Variants in KCNA6 observed in about 807,000 individuals in gnomAD.
KCNA6 encodes the protein human brain potassium channel-2.
Under a neutral mutation model 29.5 loss-of-function variants are expected in KCNA6, and 17 were observed. The observed-to-expected ratio is 0.58, with a 90% CI of 0.39 to 0.86. The LOEUF is 0.86. KCNA6 is among the 40% of genes least tolerant of loss of function. KCNA6 has a pLI of 0.00. For synonymous variants in KCNA6, 296 were observed against 304.7 expected (o/e 0.97, Z 0.30); for missense variants, 450 against 703.4 (o/e 0.64, Z 4.07).
the KCNA6 span, among the ~76,000 whole-genome samples, chr12:4,848,737 T>C: frequency 6.6e-6 from 1 of 152,030 alleles, no homozygotes; most frequent in South Asian, 2.1e-4. Context: ...TTTCTCCATG[T>C]TGGTCGAGTT....
chr12:4,832,583 C>G, the KCNA6 span, among the ~76,000 whole-genome samples: 1 of 152,202 alleles, frequency 6.6e-6, no homozygotes, highest in Non-Finnish European at 1.5e-5. Flanking sequence ...TGCAGGCCTG[C>G]ATTGAGACAC....
At chr12:4,809,937 C>T (rs1946605260) in exon 1 of KCNA6, 1 of 1,348,520 alleles carries the variant, frequency 7.4e-7, no homozygotes, top group Non-Finnish European at 9.8e-7. Flanking sequence ...AGCGCGGGCC[C>T]CACCCTAAAG....
chr12:4,850,648 G>C, the KCNA6 span: 2 of 349,902 alleles, frequency 5.7e-6, no homozygotes, highest in Non-Finnish European at 1.2e-5. The surrounding 1 kb of genome is among the most constrained non-coding windows in gnomAD (Gnocchi z 5.4). Context: ...AAGGACACTG[G>C]TGTGTCCAGG....
the KCNA6 span, among the ~76,000 whole-genome samples, chr12:4,835,767 C>T: frequency 2.0e-5 from 3 of 152,094 alleles, no homozygotes; most frequent in Non-Finnish European, 4.4e-5. Context: ...GATAAGGCAC[C>T]GAAGCCAATA....
the KCNA6 span, among the ~76,000 whole-genome samples, chr12:4,828,957 C>T: frequency 2.6e-5 from 4 of 152,194 alleles, no homozygotes; most frequent in African/African-American, 7.2e-5. Context: ...TCATCCTCTT[C>T]GTCCTCCCAT....
the KCNA6 span, among the ~76,000 whole-genome samples, chr12:4,843,186 T>TTA: frequency 7.1e-5 from 1 of 14,072 alleles, no homozygotes; most frequent in African/African-American, 4.5e-4. Flanking sequence ...AATTCTTTAC[T>TTA]TTTTTTTTTT....
downstream of KCNA6, among the ~76,000 whole-genome samples, chr12:4,817,488 C>T (rs1365002751): frequency 1.3e-5 from 2 of 152,178 alleles, no homozygotes; most frequent in African/African-American, 4.8e-5. Flanking sequence ...TTCACCCTGC[C>T]TCTTGGTCTT....
At chr12:4,819,641 G>A in the KCNA6 span, among the ~76,000 whole-genome samples, 798 of 152,268 alleles carry the variant, frequency 5.2e-3, 5 homozygotes, top group African/African-American at 0.018. Flanking sequence ...CTTGGCACGG[G>A]CCAGATTGCT....
chr12:4,810,794 C>T lies in KCNA6; in HGVS notation c.753C>T (p.Leu251=), dbSNP rs1340776934. 9 of 1,592,876 alleles carry T rather than the reference C, an allele frequency of 5.7e-6. 1 individual carries two copies. In the South Asian group the frequency reaches 1.0e-4, roughly 19 times the overall value. Residue 251 remains leucine (L), a synonymous_variant, in exon 1 of 1, where the codon CTC becomes CTT. Transcript: ENST00000280684. This position sits in a 1 kb window ranked among gnomAD's most constrained non-coding sequence, Gnocchi z 7.5. ...TGGGGACCGGGGGCTCCTCCTCACT[C>T]AGTACTCTTGGGGGCTCCTTCTTTA...
chr12:4,822,035 A>G, the KCNA6 span, among the ~76,000 whole-genome samples: 4 of 152,214 alleles, frequency 2.6e-5, no homozygotes, highest in South Asian at 4.1e-4. Flanking sequence ...GGGTTTCACC[A>G]TGTTGGCCAG....
chr12:4,843,374 G>T, the KCNA6 span, among the ~76,000 whole-genome samples: 19 of 152,046 alleles, frequency 1.2e-4, no homozygotes, highest in Non-Finnish European at 2.1e-4. Flanking sequence ...TAGAGACAGG[G>T]TTTCACCGTG....
At chr12:4,818,516 G>C in the KCNA6 span, among the ~76,000 whole-genome samples, 1 of 152,156 alleles carries the variant, frequency 6.6e-6, no homozygotes, top group African/African-American at 2.4e-5. Flanking sequence ...GTGTTTAAAT[G>C]TACAATGTCA....
At chr12:4,845,049 C>T in the KCNA6 span, among the ~76,000 whole-genome samples, 5 of 152,126 alleles carry the variant, frequency 3.3e-5, no homozygotes, top group African/African-American at 4.8e-5. Flanking sequence ...CCTTCCATTG[C>T]GGAAGCTTCC....
chr12:4,845,984 G>GTTTTTTTT, the KCNA6 span, among the ~76,000 whole-genome samples: 31 of 129,446 alleles, frequency 2.4e-4, 1 homozygote, highest in African/African-American at 8.6e-4. Context: ...GAATTTTAGA[G>GTTTTTTTT]TTTTTTTTTT....
downstream of KCNA6, among the ~76,000 whole-genome samples, chr12:4,815,409 A>G (rs1946672678): frequency 6.6e-6 from 1 of 152,190 alleles, no homozygotes; most frequent in Non-Finnish European, 1.5e-5. Context: ...TCTCCCAGAA[A>G]TTTCCTGAAC....
At chr12:4,832,308 A>G in the KCNA6 span, among the ~76,000 whole-genome samples, 1 of 152,076 alleles carries the variant, frequency 6.6e-6, no homozygotes, top group African/African-American at 2.4e-5. Flanking sequence ...AGTTTGTTCA[A>G]CCTACAACCC....
chr12:4,831,983 G>A, the KCNA6 span, among the ~76,000 whole-genome samples: 5 of 152,138 alleles, frequency 3.3e-5, no homozygotes, highest in South Asian at 2.1e-4. Flanking sequence ...TAGAAGATAC[G>A]CTTAGCAAAT....
At chr12:4,851,101 G>T in the KCNA6 span, 19 of 233,052 alleles carry the variant, frequency 8.2e-5, no homozygotes, top group Admixed American at 9.9e-4. Flanking sequence ...ATAAACACAA[G>T]GCAAAGTCTC....
chr12:4,811,843 G>C lies in KCNA6; in HGVS notation c.*212G>C. On this transcript the variant is annotated 3_prime_UTR_variant, in exon 1 of 1. Transcript: ENST00000280684. The surrounding 1 kb of genome is among the most constrained non-coding windows in gnomAD (Gnocchi z 7.1). The stretch of plus-strand genomic sequence containing the variant: ...GTTAATCCATCTAAGTGACATTTTT[G>C]AAATTCCAGCGGTGCCACCCAATCA... 1 of 581,850 alleles carries C rather than the reference G, an allele frequency of 1.7e-6. No individual in the cohort carries two copies. Among genetic ancestry groups the C allele is most frequent in the Non-Finnish European group, 3.0e-6 (1 of 331,144 alleles). 36.0% of individuals were successfully genotyped at this position (581,850 alleles called of 1,614,324 possible).
Sources: gnomAD v4.1 joint callset for allele counts (sites outside exome capture counted in the v4.1 genomes callset) on GRCh38, gnomAD v4.1.1 for gene constraint, Gnocchi (gnomAD v3.1) non-coding constraint, MANE v1.5 for transcripts, NCBI Gene and HGNC (gene_info 2026-07-23, HGNC 2026-07-21) for gene names.